Variants in IFT52 observed in about 807,000 individuals in gnomAD.
The protein encoded by IFT52 is intraflagellar transport protein 52 homolog.
Under a neutral mutation model 54.4 loss-of-function variants are expected in IFT52, and 44 were observed. The observed-to-expected ratio is 0.81, with a 90% CI of 0.63 to 1.04. The LOEUF (loss-of-function observed/expected upper bound fraction) is 1.04. Ranked by LOEUF, IFT52 falls within the 50% of genes least tolerant of loss-of-function variation. The pLI is 0.00. For missense variants in IFT52, 452 were observed against 523.6 expected (o/e 0.86, Z 1.33); for synonymous variants, 181 against 185.3 (o/e 0.98, Z 0.19).
chr20:43,604,091 C>T, intron 4 of IFT52, 92 bp from the exon 5 acceptor site: 1 of 1,109,468 alleles, frequency 9.0e-7, no homozygotes, highest in African/African-American at 1.6e-5. Context: ...AACCAAGTTC[C>T]AGGGTGCCCT....
At position 43,624,036 on chromosome 20, in the gene IFT52, G is replaced by A; in HGVS notation, c.914G>A (p.Ser305Asn). The stretch of plus-strand genomic sequence containing the variant: ...CAGCTGGATACCACCTCCTTCCACA[G>A]CGTCATCGAGTCAGTACCTGTGGGC... Reference protein sequence around the residue: ...IFQLDTTSFHSVIEAHEQLNV... With the variant: ...IFQLDTTSFHNVIEAHEQLNV... The change falls in exon 10 of 14, where the codon AGC (serine) becomes AAC (asparagine). Residue 305 changes from serine (S) to asparagine (N), a missense_variant. By Grantham distance (46) the Ser-to-Asn change is conservative. Coordinates refer to ENST00000373030, the MANE Select transcript of IFT52 (RefSeq NM_016004.5). 2 of 1,614,038 alleles carry A rather than the reference G, an allele frequency of 1.2e-6. No individual in the cohort carries two copies. The highest frequency in any genetic ancestry group is 1.7e-6 in the Non-Finnish European group (2 of 1,179,992).
chr20:43,606,739 C>T (rs568712792), intron 6 of IFT52, among the ~76,000 whole-genome samples: 10 of 152,192 alleles, frequency 6.6e-5, no homozygotes, highest in Non-Finnish European at 8.8e-5. Context: ...TGCAGCCTTC[C>T]GCAGTGTTTG....
At chr20:43,612,267 G>A (rs1983512336) in intron 6 of IFT52, among the ~76,000 whole-genome samples, 1 of 152,026 alleles carries the variant, frequency 6.6e-6, no homozygotes, top group African/African-American at 2.4e-5. Context: ...AATCCACCTT[G>A]CTGGGATACT....
intron 5 of IFT52, 24 bp downstream of exon 5, chr20:43,604,282 A>G (rs937236451): frequency 8.3e-6 from 13 of 1,564,352 alleles, no homozygotes; most frequent in African/African-American, 1.4e-5. Flanking sequence ...AAGCAGAAAT[A>G]TCTTGGCAAG....
intron 13 of IFT52, 116 bp downstream of exon 13, chr20:43,642,740 T>C: frequency 5.2e-6 from 5 of 963,980 alleles, no homozygotes; most frequent in Non-Finnish European, 6.1e-6. Context: ...TTATTAAGCA[T>C]CTACTAGGTG....
At chr20:43,631,468 A>G (rs1258918632) in intron 10 of IFT52, among the ~76,000 whole-genome samples, 2 of 152,216 alleles carry the variant, frequency 1.3e-5, no homozygotes, top group East Asian at 3.9e-4. Context: ...AAAAGCTGCC[A>G]TGATCTTTGT....
At chr20:43,603,983 C>A in intron 4 of IFT52, 94 bp downstream of exon 4, 2 of 1,042,132 alleles carry the variant, frequency 1.9e-6, no homozygotes, top group Non-Finnish European at 2.9e-6. Flanking sequence ...ATGGAAAAAG[C>A]CCTGGGCTGT....
intron 2 of IFT52, among the ~76,000 whole-genome samples, chr20:43,595,685 C>T (rs376404893): frequency 9.9e-5 from 15 of 151,686 alleles, no homozygotes; most frequent in South Asian, 2.1e-4. Context: ...CAAGAGTTGG[C>T]GACCAGCCTG....
chr20:43,595,980 A>G (rs934475579), intron 2 of IFT52, among the ~76,000 whole-genome samples: 1 of 152,270 alleles, frequency 6.6e-6, no homozygotes, highest in African/African-American at 2.4e-5. Flanking sequence ...ATCACAAGCC[A>G]AAAGATTATT....
rs906258814 is a variant in IFT52, at chr20:43,623,003, G to A, written c.769-888G>A. Among the ~76,000 whole-genome samples the A allele has an allele frequency of 5.3e-5, 8 of 152,096 alleles. No homozygotes were observed. In the East Asian group the frequency reaches 1.2e-3, roughly 22 times the overall value. ...ACTGGGATCTAGTGTAGCAGTGGAG[G>A]AACTGTCTGTACTGGTGTCACAGGT... On this transcript the variant is annotated intron_variant, in intron 9 of 13. Transcript: ENST00000373030.
intron 3 of IFT52, among the ~76,000 whole-genome samples, chr20:43,602,980 T>C (rs1033450787): frequency 2.6e-5 from 4 of 152,134 alleles, no homozygotes; most frequent in Non-Finnish European, 5.9e-5. Flanking sequence ...TTTTTGGGAG[T>C]TGTTTTGAAT....
intron 3 of IFT52, among the ~76,000 whole-genome samples, chr20:43,599,545 CT>C (rs58158847): frequency 0.016 from 2,385 of 152,178 alleles, 65 homozygotes; most frequent in African/African-American, 0.055. Flanking sequence ...AAGCTGTTAG[CT>C]TTTTTTCTAG....
At chr20:43,607,875 A>C (rs76018503) in intron 6 of IFT52, among the ~76,000 whole-genome samples, 11 of 152,196 alleles carry the variant, frequency 7.2e-5, no homozygotes, top group South Asian at 4.1e-4. Flanking sequence ...CTGAGTGAAC[A>C]AGACTCCGTC....
At position 43,606,973 on chromosome 20, in the gene IFT52, G is replaced by C. The variant is rs569337303; in HGVS notation, c.485+1900G>C. Reference sequence around the variant, plus strand: ...TACAGAACAAAATGAAAAGTCTCCCGTGTCTACTTCTTTCTACACAGACAC... The same window carrying C: ...TACAGAACAAAATGAAAAGTCTCCCCTGTCTACTTCTTTCTACACAGACAC... On this transcript the variant is annotated intron_variant, in intron 6 of 13. Transcript: ENST00000373030. 3.3e-5 allele frequency among the ~76,000 whole-genome samples: 5 copies of C among 152,304 alleles called. No individual in the cohort carries two copies. In the East Asian group the frequency reaches 9.6e-4, roughly 29 times the overall value.
intron 6 of IFT52, among the ~76,000 whole-genome samples, chr20:43,608,013 C>T (rs373011776): frequency 3.3e-5 from 5 of 150,698 alleles, no homozygotes; most frequent in East Asian, 4.0e-4. Flanking sequence ...ACAGGCGTGG[C>T]GGTGCGCGCC....
intron 7 of IFT52, among the ~76,000 whole-genome samples, chr20:43,617,854 G>A (rs972798387): frequency 5.3e-5 from 8 of 152,028 alleles, no homozygotes; most frequent in Admixed American, 2.0e-4. Context: ...CAATCCTCCC[G>A]CCACAGCCTC....
chr20:43,622,767 A>AATATAAAAATATACAAATT (rs1568768291), intron 9 of IFT52, among the ~76,000 whole-genome samples: 2 of 120,832 alleles, frequency 1.7e-5, no homozygotes, highest in African/African-American at 6.5e-5. Context: ...ATATATACAA[A>AATATAAAAATATACAAATT]TTGTGTGTAA....
chr20:43,631,693 G>C (rs562182035), intron 10 of IFT52, among the ~76,000 whole-genome samples: 1 of 152,312 alleles, frequency 6.6e-6, no homozygotes, highest in Non-Finnish European at 1.5e-5. Flanking sequence ...GGTAAGATGA[G>C]CTCAGCTCTG....
At chr20:43,618,676 G>C (rs941938659) in intron 7 of IFT52, among the ~76,000 whole-genome samples, 3 of 151,994 alleles carry the variant, frequency 2.0e-5, no homozygotes, top group Non-Finnish European at 2.9e-5. Context: ...TAGAGACGGG[G>C]TTTCACCATG....
Sources: allele counts gnomAD v4.1 joint callset (sites outside exome capture counted in the v4.1 genomes callset), GRCh38; gene constraint gnomAD v4.1.1; transcripts MANE v1.5; gene names NCBI Gene and HGNC (gene_info 2026-07-23, HGNC 2026-07-21).